The following DNMT1 variants were observed in gnomAD, a reference collection of about 807,000 sequenced individuals.
The protein encoded by DNMT1 is DNA methyltransferase 1.
In DNMT1, 24 loss-of-function variants were observed where a neutral mutation model predicts 205.3. That is an observed-to-expected ratio of 0.12 (90% CI 0.08 to 0.16). The LOEUF is 0.16. Among genes scored for constraint, DNMT1 ranks in the 10% least tolerant of loss-of-function variants. The probability of loss-of-function intolerance (pLI) is 1.00; values close to 1 mark genes in which losing one functional copy is unlikely to be tolerated. For synonymous variants in DNMT1, 817 were observed against 839.8 expected, an observed-to-expected ratio of 0.97 and a Z score of 0.47; for missense variants, 1,293 against 2,177.7, an observed-to-expected ratio of 0.59 and a Z score of 8.09.
rs1354297203 is a variant in DNMT1 at position 10,166,597 on chromosome 19, C to T, written c.891+1G>A. The T allele has an allele frequency of 1.9e-6, 3 of 1,614,174 alleles. No homozygotes were observed. Among genetic ancestry groups the T allele is most frequent in the Admixed American group, 1.7e-5 (1 of 60,008 alleles). On this transcript the variant is annotated splice_donor_variant, in intron 11 of 40. Transcript: ENST00000359526. LOFTEE classifies it high-confidence loss of function. ...TTCAGAAACAAATAACCCGCCTTTACTTTCTCGTCTCCATCTTCGTCCTCG... is the reference window on the plus strand; with the variant it reads ...TTCAGAAACAAATAACCCGCCTTTATTTTCTCGTCTCCATCTTCGTCCTCG...
intron 10 of DNMT1, 39 bp from the exon 11 acceptor site, chr19:10,166,724 C>T (rs539400567): frequency 1.7e-5 from 27 of 1,607,820 alleles, no homozygotes; most frequent in South Asian, 1.7e-4. Flanking sequence ...CTGGTCAGCT[C>T]GGGGGGGGCC....
chr19:10,135,906 G>A (rs1392793083), intron 38 of DNMT1, 54 bp from the exon 39 acceptor site: 17 of 1,526,978 alleles, frequency 1.1e-5, no homozygotes, highest in African/African-American at 2.7e-5. Flanking sequence ...CCGGGTCACC[G>A]TCGGGGACAG....
At chr19:10,136,008 T>C (rs1599339634) in intron 38 of DNMT1, 113 bp downstream of exon 38, 1 of 1,524,294 alleles carries the variant, frequency 6.6e-7, no homozygotes, top group African/African-American at 1.4e-5. Flanking sequence ...AGAGGCCAGG[T>C]GCCTGGGGTC....
Position 10,146,205 on chromosome 19 carries a change from T to C in DNMT1, c.2894+146A>G. On this transcript the variant is annotated intron_variant, in intron 28 of 40. Transcript: ENST00000359526. The surrounding 1 kb of genome is among the most constrained non-coding windows in gnomAD (Gnocchi z 4.4). ...TGGTCAGTCTACACGATTTATGTTG[T>C]CTGTTTGCCACCTATGCCAACGTGA... is the stretch of plus-strand genomic sequence containing the variant. The C allele has an allele frequency of 1.1e-6, 1 of 922,600 alleles. No homozygotes were observed. Among genetic ancestry groups the C allele is most frequent in the Non-Finnish European group, 1.6e-6 (1 of 617,850 alleles). The allele number at this position is 922,600 out of a possible 1,614,324, so 57.2% of individuals were successfully genotyped here.
In DNMT1 at chr19:10,154,261, A is replaced by C; in HGVS notation, c.2019+32T>G. The C allele has an allele frequency of 6.2e-7, 1 of 1,611,638 alleles. No individual in the cohort carries two copies. The highest frequency in any genetic ancestry group is 1.1e-5 in the South Asian group (1 of 90,996). ...ATCAGGCCAGAGGCTGGGCCACCTT[A>C]GGGGAGCGGGAGCACCCACAGGTGA... On this transcript the variant is annotated intron_variant, in intron 22 of 40. Transcript: ENST00000359526. This position sits in a 1 kb window ranked among gnomAD's most constrained non-coding sequence, Gnocchi z 6.3.
rs2089510513 is a variant in DNMT1 at position 10,137,474 on chromosome 19, G to A, written c.4294-194C>T. 2 of 698,508 alleles carry A rather than the reference G, an allele frequency of 2.9e-6. No individual in the cohort carries two copies. The highest frequency in any genetic ancestry group is 1.8e-5 in the African/African-American group (1 of 56,046). The allele number at this position is 698,508 out of a possible 1,614,324, so 43.3% of individuals were successfully genotyped here. ...GACCTGAGGCAGCGCAGGTGTAGGA[G>A]AGCGTGGGAATCTAAGCTGAGCCTT... On this transcript the variant is annotated intron_variant, in intron 36 of 40. Transcript: ENST00000359526. This position sits in a 1 kb window ranked among gnomAD's most constrained non-coding sequence, Gnocchi z 6.4.
intron 39 of DNMT1, 125 bp downstream of exon 39, chr19:10,135,610 GT>G (rs1433556352): frequency 2.0e-6 from 2 of 985,016 alleles, no homozygotes. Flanking sequence ...CCCACTGAGA[GT>G]GATGGGGCTA....
At chr19:10,145,477 T>A (rs1436937096) in intron 28 of DNMT1, among the ~76,000 whole-genome samples, 2 of 141,264 alleles carry the variant, frequency 1.4e-5, no homozygotes, top group East Asian at 2.0e-4. Flanking sequence ...CTGGAAAACG[T>A]TGGCTGTAAT....
At chr19:10,179,050 A>G (rs2038989455) in intron 5 of DNMT1, among the ~76,000 whole-genome samples, 1 of 149,098 alleles carries the variant, frequency 6.7e-6, no homozygotes, top group Non-Finnish European at 1.5e-5. Flanking sequence ...AATGGCATGA[A>G]CCTGGGAGGC....
At chr19:10,134,158 C>G (rs1337330134) in intron 40 of DNMT1, 59 bp downstream of exon 40, 27 of 1,594,792 alleles carry the variant, frequency 1.7e-5, no homozygotes, top group Non-Finnish European at 2.1e-5. Flanking sequence ...CAACTGCCCC[C>G]ACATGTACCC....
At position 10,137,185 on chromosome 19, in the gene DNMT1, T is replaced by C. The variant is rs2145256139; in HGVS notation, c.4389A>G (p.Ser1463=). Residue 1463 remains serine (S), a synonymous_variant, in exon 37 of 41, where the codon TCA becomes TCG. Transcript: ENST00000359526. The surrounding 1 kb of genome is among the most constrained non-coding windows in gnomAD (Gnocchi z 6.4). ...GCAGCTTCCTGGCCATGGTGCCGTC[T>C]GAGAGCCGCACCTCGATGTTGGGCA... is the stretch of plus-strand genomic sequence containing the variant. ...RDLPNIEVRL[S]DGTMARKLRY... 6.2e-7 allele frequency: 1 copy of C among 1,610,590 alleles called. No homozygotes were observed. The highest frequency in any genetic ancestry group is 8.5e-7 in the Non-Finnish European group (1 of 1,179,072).
intron 7 of DNMT1, among the ~76,000 whole-genome samples, 157 bp from the exon 8 acceptor site, chr19:10,174,062 C>T (rs1229624771): frequency 1.3e-5 from 2 of 152,168 alleles, no homozygotes; most frequent in Non-Finnish European, 2.9e-5. Context: ...ATCTGAGAAA[C>T]TCTTACTCTG....
In DNMT1 at chr19:10,180,824, T is replaced by A; in HGVS notation, c.179A>T (p.Gln60Leu). Residue 60 changes from glutamine to leucine, a missense_variant, in exon 3 of 41, where the codon CAG (glutamine) becomes CTG (leucine). Gln to Leu is a moderately radical substitution (Grantham distance 113). This residue lies in a region of DNMT1 where 394 missense variants were observed against 451.6 expected (regional missense o/e 0.87). Transcript: ENST00000359526. ...TAATTTGGTTTCCAAGTCACATAAC[T>A]GATTCTTTATTTCTGTTTGCAGAAA... The part of the protein sequence containing the change: ...HEFLQTEIKN[Q>L]LCDLETKLRK... The A allele has an allele frequency of 6.2e-7, 1 of 1,614,190 alleles. No individual in the cohort carries two copies.
chr19:10,136,383 C>T (rs1568219156), intron 37 of DNMT1, 96 bp from the exon 38 acceptor site: 18 of 1,536,760 alleles, frequency 1.2e-5, no homozygotes, highest in Non-Finnish European at 1.6e-5. Context: ...GATGGCACCT[C>T]CTGTGCAAGG....
At chr19:10,169,061 T>C (rs1471680771) in intron 9 of DNMT1, among the ~76,000 whole-genome samples, 1 of 151,948 alleles carries the variant, frequency 6.6e-6, no homozygotes, top group Non-Finnish European at 1.5e-5. Context: ...TGGTCTTGAA[T>C]TCAAGTGATC....
chr19:10,151,654 C>G lies in DNMT1; in HGVS notation c.2117+96G>C. 6.2e-7 allele frequency: 1 copy of G among 1,607,896 alleles called. No individual in the cohort carries two copies. The highest frequency in any genetic ancestry group is 1.3e-5 in the African/African-American group (1 of 74,920). On this transcript the variant is annotated intron_variant, in intron 23 of 40. Transcript: ENST00000359526. The surrounding 1 kb of genome is among the most constrained non-coding windows in gnomAD (Gnocchi z 5.0). ...TGAGACAATGCCTAACGAAGGAATC[C>G]TGGTGCTGTCCCACACATGCAGGCC...
intron 27 of DNMT1, among the ~76,000 whole-genome samples, chr19:10,148,560 G>A (rs1030696631): frequency 6.6e-6 from 1 of 150,860 alleles, no homozygotes. Context: ...ATTTACAGGA[G>A]AAAATATCTA....
rs1483186726 is a variant in DNMT1 at position 10,165,045 on chromosome 19, C to A, written c.891+1553G>T. ...GGGGGACTGAGATAGGTGGATAACTCGAGTCTAGGAGTTTGACTGAGACCA... is the reference window on the plus strand; with the variant it reads ...GGGGGACTGAGATAGGTGGATAACTAGAGTCTAGGAGTTTGACTGAGACCA... On this transcript the variant is annotated intron_variant, in intron 11 of 40. Transcript: ENST00000359526. 2.7e-5 allele frequency among the ~76,000 whole-genome samples: 4 copies of A among 146,994 alleles called. No homozygotes were observed. In the South Asian group the frequency reaches 6.7e-4, roughly 25 times the overall value.
chr19:10,180,144 T>C (rs1352969220), intron 5 of DNMT1, 43 bp downstream of exon 5: 5 of 641,088 alleles, frequency 7.8e-6, no homozygotes, highest in South Asian at 5.3e-5. Context: ...TAAGACCCCA[T>C]CTCTACTAAA....
Sources: allele counts gnomAD v4.1 joint callset (sites outside exome capture counted in the v4.1 genomes callset), GRCh38; gene constraint gnomAD v4.1.1; regional missense constraint gnomAD v4.1.1; non-coding constraint Gnocchi (gnomAD v3.1); transcripts MANE v1.5; gene names NCBI Gene and HGNC (gene_info 2026-07-23, HGNC 2026-07-21).